Variants in NPTN observed in about 807,000 individuals in gnomAD.
NPTN encodes SDR-1.
Under a neutral mutation model 42.7 loss-of-function variants are expected in NPTN, and 5 were observed. The ratio of observed to expected loss-of-function variants is 0.12; its 90% CI spans 0.06 to 0.25. The LOEUF is 0.25. Among genes scored for constraint, NPTN ranks in the 10% least tolerant of loss-of-function variants. The pLI is 1.00. For synonymous variants in NPTN, 180 were observed against 201.9 expected (o/e 0.89, Z 0.92); for missense variants, 307 against 525.4 (o/e 0.58, Z 4.06).
intron 4 of NPTN, among the ~76,000 whole-genome samples, chr15:73,579,011 AAGAT>A (rs1895847059): frequency 6.7e-6 from 1 of 149,918 alleles, no homozygotes; most frequent in Non-Finnish European, 1.5e-5. Context: ...AAAAAAAAAA[AAGAT>A]ACTTATTTAA....
intron 1 of NPTN, among the ~76,000 whole-genome samples, chr15:73,622,694 T>C (rs1489954637): frequency 6.6e-6 from 1 of 152,176 alleles, no homozygotes; most frequent in Non-Finnish European, 1.5e-5. Flanking sequence ...AAATTTGCAA[T>C]GCAACATGAT....
chr15:73,605,542 G>A (rs1424472929), intron 1 of NPTN, among the ~76,000 whole-genome samples: 4 of 151,808 alleles, frequency 2.6e-5, no homozygotes, highest in African/African-American at 9.7e-5. Context: ...CAACCTGAAC[G>A]ACATGAAGAA....
At chr15:73,598,852 T>C (rs535479436) in intron 1 of NPTN, among the ~76,000 whole-genome samples, 1 of 152,184 alleles carries the variant, frequency 6.6e-6, no homozygotes, top group South Asian at 2.1e-4. Flanking sequence ...GGTTACTAAG[T>C]GGAAAAATTC....
At chr15:73,601,017 G>A (rs1455783620) in intron 1 of NPTN, among the ~76,000 whole-genome samples, 1 of 152,158 alleles carries the variant, frequency 6.6e-6, no homozygotes, top group East Asian at 1.9e-4. Context: ...ATTAATAAAG[G>A]GCAGCACCTG....
Position 73,597,453 on chromosome 15 carries a change from G to T in NPTN, c.92-84C>A. ...CAACAGGTGTTAATAGTAATTTAAA[G>T]AAAAGAAAAGAAAAAAGCAAATGAG... On this transcript the variant is annotated intron_variant, in intron 1 of 8. Coordinates refer to ENST00000345330, the MANE Select transcript of NPTN (RefSeq NM_012428.4). This position sits in a 1 kb window ranked among gnomAD's most constrained non-coding sequence, Gnocchi z 6.3. 1.9e-6 allele frequency: 2 copies of T among 1,079,250 alleles called. No individual in the cohort carries two copies. Among genetic ancestry groups the T allele is most frequent in the Non-Finnish European group, 1.3e-6 (1 of 760,334 alleles). 66.9% of individuals were successfully genotyped at this position (1,079,250 alleles called of 1,614,324 possible).
Position 73,633,274 on chromosome 15 carries a change from G to T in NPTN, c.-59C>A. On this transcript the variant is annotated 5_prime_UTR_variant, in exon 1 of 9. Transcript: ENST00000345330. ...CGGGGCCAGAGCCGGGGCCGGGGAA[G>T]GGAGGGGAGGGAGGGAGGGGGCGGG... The T allele has an allele frequency of 8.5e-7, 1 of 1,173,816 alleles. No individual in the cohort carries two copies. The highest frequency in any genetic ancestry group is 1.2e-6 in the Non-Finnish European group (1 of 857,808). The allele number at this position is 1,173,816 out of a possible 1,614,324, so 72.7% of individuals were successfully genotyped here. A position where few individuals can be genotyped will look rare whatever the true frequency, so the allele number is the denominator to read the frequency against.
intron 6 of NPTN, chr15:73,567,439 T>C (rs574150537): frequency 4.1e-6 from 4 of 985,422 alleles, no homozygotes; most frequent in East Asian, 1.1e-4. Context: ...TCAAATATAA[T>C]GTACCTCTTC....
At chr15:73,608,789 G>C (rs1051510239) in intron 1 of NPTN, among the ~76,000 whole-genome samples, 1 of 152,212 alleles carries the variant, frequency 6.6e-6, no homozygotes, top group Non-Finnish European at 1.5e-5. Flanking sequence ...GGAATGGTGA[G>C]AAGGTAACAG....
intron 1 of NPTN, among the ~76,000 whole-genome samples, chr15:73,612,550 G>A (rs1288285482): frequency 6.6e-6 from 1 of 151,942 alleles, no homozygotes; most frequent in Non-Finnish European, 1.5e-5. Flanking sequence ...GGCGGATCAC[G>A]AGGTCAGGAG....
chr15:73,625,625 C>T (rs978881376), intron 1 of NPTN, among the ~76,000 whole-genome samples: 1 of 152,168 alleles, frequency 6.6e-6, no homozygotes, highest in African/African-American at 2.4e-5. Flanking sequence ...GCCACCGCGT[C>T]CGGCCAAGAG....
intron 1 of NPTN, among the ~76,000 whole-genome samples, chr15:73,605,110 GGAA>G (rs940920333): frequency 1.1e-4 from 16 of 143,022 alleles, no homozygotes; most frequent in African/African-American, 3.9e-4. Context: ...GGGGGGGGGG[GGAA>G]AAGAATGATC....
chr15:73,587,486 A>T, intron 4 of NPTN, 38 bp downstream of exon 4: 1 of 1,414,986 alleles, frequency 7.1e-7, no homozygotes, highest in Non-Finnish European at 1.0e-6. Flanking sequence ...TTGGAAGGAG[A>T]GTGAGAGGCT....
At chr15:73,592,630 A>G (rs572871755) in intron 2 of NPTN, among the ~76,000 whole-genome samples, 7 of 152,294 alleles carry the variant, frequency 4.6e-5, no homozygotes, top group African/African-American at 1.4e-4. Context: ...CCTATGGCAA[A>G]CCATAGGCCA....
intron 1 of NPTN, among the ~76,000 whole-genome samples, chr15:73,613,731 G>A (rs993560662): frequency 2.6e-5 from 4 of 152,084 alleles, no homozygotes; most frequent in African/African-American, 9.7e-5. Flanking sequence ...TGTCGCCCAG[G>A]ATGGGGTGCA....
intron 1 of NPTN, among the ~76,000 whole-genome samples, chr15:73,600,004 G>A (rs1897010900): frequency 6.6e-6 from 1 of 152,178 alleles, no homozygotes. Context: ...ATGCCTGAAA[G>A]TATCCTTTCA....
At chr15:73,563,563 C>T in intron 6 of NPTN, 1 of 1,190,416 alleles carries the variant, frequency 8.4e-7, no homozygotes, top group Non-Finnish European at 1.0e-6. Context: ...TCATCTTGTC[C>T]CCAAGTTCCA....
chr15:73,616,277 C>A (rs1897857888), intron 1 of NPTN, among the ~76,000 whole-genome samples: 1 of 152,068 alleles, frequency 6.6e-6, no homozygotes, highest in African/African-American at 2.4e-5. Flanking sequence ...AAGGGGTCAT[C>A]CATTTTTCAA....
At chr15:73,605,111 G>GGGGA (rs1555410813) in intron 1 of NPTN, among the ~76,000 whole-genome samples, 1 of 140,500 alleles carries the variant, frequency 7.1e-6, no homozygotes, top group African/African-American at 2.9e-5. Context: ...GGGGGGGGGG[G>GGGGA]AAAAGAATGA....
intron 1 of NPTN, among the ~76,000 whole-genome samples, chr15:73,601,563 A>T (rs2141417427): frequency 6.6e-6 from 1 of 152,318 alleles, no homozygotes; most frequent in African/African-American, 2.4e-5. Context: ...ATGTACCTTC[A>T]ACAAGAAAGC....
Sources: gnomAD v4.1 joint callset for allele counts (sites outside exome capture counted in the v4.1 genomes callset) on GRCh38, gnomAD v4.1.1 for gene constraint, Gnocchi (gnomAD v3.1) non-coding constraint, MANE v1.5 for transcripts, NCBI Gene and HGNC (gene_info 2026-07-23, HGNC 2026-07-21) for gene names.